Variants in C12orf42 observed in about 807,000 individuals in gnomAD.
The protein encoded by C12orf42 is uncharacterized protein C12orf42.
Under a neutral mutation model 21.6 loss-of-function variants are expected in C12orf42, and 25 were observed. The observed-to-expected ratio is 1.16, with a 90% CI of 0.84 to 1.62. The LOEUF (loss-of-function observed/expected upper bound fraction) is 1.62. Among genes scored for constraint, C12orf42 ranks in the 40% most tolerant of loss-of-function variants. The pLI, the probability that C12orf42 is intolerant of heterozygous loss-of-function variation, is 0.00. For missense variants in C12orf42, 483 were observed against 459.3 expected (o/e 1.05, Z -0.47); for synonymous variants, 174 against 175.0 (o/e 0.99, Z 0.05).
the C12orf42 span, among the ~76,000 whole-genome samples, chr12:103,133,053 A>T: frequency 6.6e-6 from 1 of 152,178 alleles, no homozygotes; most frequent in Admixed American, 6.5e-5. Flanking sequence ...CCCATTCTCC[A>T]GTGCTTGAGT....
chr12:103,146,384 G>A, the C12orf42 span, among the ~76,000 whole-genome samples: 1 of 151,108 alleles, frequency 6.6e-6, no homozygotes. Flanking sequence ...GGAGACTGAG[G>A]TGGGAGGATC....
At chr12:103,169,249 GA>G in the C12orf42 span, among the ~76,000 whole-genome samples, 1 of 151,832 alleles carries the variant, frequency 6.6e-6, no homozygotes, top group East Asian at 1.9e-4. Context: ...TATGTAAATG[GA>G]ATACCTGGTC....
chr12:103,494,468 T>C (rs1955383439), intron 1 of C12orf42, among the ~76,000 whole-genome samples: 1 of 152,222 alleles, frequency 6.6e-6, no homozygotes, highest in Admixed American at 6.5e-5. Flanking sequence ...CATTCCTTTT[T>C]TTAAGCCTTT....
At chr12:103,048,299 T>C in the C12orf42 span, among the ~76,000 whole-genome samples, 3 of 152,138 alleles carry the variant, frequency 2.0e-5, no homozygotes, top group African/African-American at 7.2e-5. Flanking sequence ...TTGAAGGAAT[T>C]AACCCCTCTA....
the C12orf42 span, among the ~76,000 whole-genome samples, chr12:103,519,029 A>T: frequency 3.9e-5 from 6 of 152,134 alleles, 1 homozygote; most frequent in African/African-American, 1.4e-4. Flanking sequence ...TGATTGAATC[A>T]TGGGGGTGTT....
chr12:103,247,749 T>C (rs1330220984), intron 10 of C12orf42, among the ~76,000 whole-genome samples: 2 of 152,042 alleles, frequency 1.3e-5, no homozygotes, highest in African/African-American at 4.8e-5. Context: ...ATGTCTCTAG[T>C]GGTTAGGCTT....
the C12orf42 span, among the ~76,000 whole-genome samples, chr12:103,176,194 T>C: frequency 1.3e-5 from 2 of 152,176 alleles, no homozygotes; most frequent in Admixed American, 1.3e-4. Flanking sequence ...GGAATTGCTA[T>C]TCTGTCCCTG....
At chr12:103,381,526 A>G (rs1459098172) in intron 3 of C12orf42, among the ~76,000 whole-genome samples, 2 of 152,234 alleles carry the variant, frequency 1.3e-5, no homozygotes, top group Non-Finnish European at 1.5e-5. Flanking sequence ...AAATAGGTGT[A>G]CTCATCAGCA....
the C12orf42 span, among the ~76,000 whole-genome samples, chr12:103,229,263 G>C: frequency 2.0e-5 from 3 of 152,138 alleles, no homozygotes; most frequent in Non-Finnish European, 4.4e-5. Flanking sequence ...TTATCAGTTA[G>C]GATGGTTTCT....
chr12:103,439,080 A>AATAATG (rs958225213), intron 2 of C12orf42, among the ~76,000 whole-genome samples: 2 of 152,124 alleles, frequency 1.3e-5, no homozygotes, highest in African/African-American at 4.8e-5. Context: ...ATGGAACAGA[A>AATAATG]CAGAGCCCTC....
the C12orf42 span, among the ~76,000 whole-genome samples, chr12:103,204,253 G>C: frequency 2.0e-5 from 3 of 152,120 alleles, no homozygotes; most frequent in Admixed American, 1.3e-4. Context: ...AAAGGTTATG[G>C]ACAGACCCTA....
chr12:103,302,380 T>G lies in C12orf42; in HGVS notation c.811A>C (p.Asn271His). The G allele has an allele frequency of 1.2e-6, 2 of 1,613,890 alleles. No homozygotes were observed. Among genetic ancestry groups the G allele is most frequent in the Non-Finnish European group, 1.7e-6 (2 of 1,179,862 alleles). ...GCAACCGCGCCTTTTCCGACGGGAT[T>G]TCCGGACGCGCCCAGGAGTCTGCTT... ...IQSRLLGASG[N>H]PVGKGAVAMA... The change falls in exon 6 of 6, where the codon AAT (asparagine) becomes CAT (histidine). Residue 271 changes from asparagine to histidine, a missense_variant. By Grantham distance (68) the Asn-to-His change is moderately conservative (BLOSUM62 1). Transcript: ENST00000548883.
At chr12:103,347,690 A>C (rs1310794348) in intron 4 of C12orf42, among the ~76,000 whole-genome samples, 1 of 152,122 alleles carries the variant, frequency 6.6e-6, no homozygotes, top group African/African-American at 2.4e-5. Flanking sequence ...TGATTCTAAA[A>C]GGCATTTATA....
At chr12:103,056,165 T>C in the C12orf42 span, among the ~76,000 whole-genome samples, 1 of 152,140 alleles carries the variant, frequency 6.6e-6, no homozygotes, top group South Asian at 2.1e-4. Context: ...TGTGGATTGG[T>C]ATATTTTTCC....
At chr12:103,082,343 T>C in the C12orf42 span, among the ~76,000 whole-genome samples, 2 of 152,212 alleles carry the variant, frequency 1.3e-5, no homozygotes, top group African/African-American at 4.8e-5. Context: ...CTGGGAAAAC[T>C]GGAATGTATG....
the C12orf42 span, among the ~76,000 whole-genome samples, chr12:103,110,815 T>G: frequency 6.6e-6 from 1 of 152,200 alleles, no homozygotes; most frequent in Non-Finnish European, 1.5e-5. Flanking sequence ...GAAGACAGAT[T>G]TGGCAAGGGT....
chr12:103,349,479 T>C (rs2042924530), intron 4 of C12orf42, among the ~76,000 whole-genome samples: 1 of 152,150 alleles, frequency 6.6e-6, no homozygotes, highest in South Asian at 2.1e-4. Context: ...AATAATGTGG[T>C]GAAAAATCCT....
the C12orf42 span, among the ~76,000 whole-genome samples, chr12:103,192,840 G>C: frequency 0.017 from 2,538 of 152,072 alleles, 34 homozygotes; most frequent in Non-Finnish European, 0.028. Context: ...AGATCATCCA[G>C]ACAGAAAATC....
intron 2 of C12orf42, among the ~76,000 whole-genome samples, chr12:103,424,534 C>G (rs968341198): frequency 6.6e-6 from 1 of 152,184 alleles, no homozygotes; most frequent in Non-Finnish European, 1.5e-5. Context: ...CGAGTGGAAG[C>G]AGGGCAGGGC....
Sources: gnomAD v4.1 joint callset for allele counts (sites outside exome capture counted in the v4.1 genomes callset) on GRCh38, gnomAD v4.1.1 for gene constraint, MANE v1.5 for transcripts, NCBI Gene and HGNC (gene_info 2026-07-23, HGNC 2026-07-21) for gene names.